The following AATK variants were observed in gnomAD, a reference collection of about 807,000 sequenced individuals.
AATK encodes the protein serine/threonine-protein kinase LMTK1.
In AATK, 91 loss-of-function variants were observed where a neutral mutation model predicts 114.3. The observed-to-expected ratio is 0.80, with a 90% confidence interval of 0.67 to 0.95. The LOEUF is 0.95. Ranked by LOEUF, AATK falls within the 40% of genes least tolerant of loss-of-function variation. The pLI, the probability that AATK is intolerant of heterozygous loss-of-function variation, is 0.00. For synonymous variants in AATK, 1,075 were observed against 916.5 expected (o/e 1.17, Z -3.12); for missense variants, 2,176 against 1,965.2 (o/e 1.11, Z -2.03).
At chr17:81,134,641 C>T in intron 1 of AATK, 140 bp from the exon 2 acceptor site, 1 of 1,121,290 alleles carries the variant, frequency 8.9e-7, no homozygotes, top group South Asian at 1.6e-5. Flanking sequence ...ACCCCAGACC[C>T]CACACCTCAC....
rs758434134 is a variant in AATK, at chr17:81,121,653, A to G, written c.2283T>C (p.Val761=). 3 of 1,498,996 alleles carry G rather than the reference A, an allele frequency of 2.0e-6. No homozygotes were observed. In the African/African-American group the frequency reaches 4.2e-5, roughly 21 times the overall value. The allele number at this position is 1,498,996 out of a possible 1,614,324, so 92.9% of individuals were successfully genotyped here. ...AQGLAPAPCL[V]TPSWTETASS... is the part of the protein sequence containing the mutation. ...TGGCTGTCTCTGTCCAGGAGGGTGT[A>G]ACCAGGCAGGGAGCAGGTGCCAGGC... The change falls in exon 11 of 14, where the codon GTT becomes GTC. Residue 761 remains valine, a synonymous_variant. Transcript: ENST00000326724.
Position 81,154,375 on chromosome 17 carries a change from C to T in AATK, c.55+11563G>A, listed in dbSNP as rs2061336174. ...TTGCTCTGTCACCCAGGCTGGAGCA[C>T]AGTGGCACAATTTCAGCTCACTGCA... On this transcript the variant is annotated intron_variant, in intron 1 of 13. Transcript: ENST00000326724. Among the ~76,000 whole-genome samples, 2 of 138,450 alleles carry T rather than the reference C, an allele frequency of 1.4e-5. 1 individual carries two copies. Among genetic ancestry groups the T allele is most frequent in the South Asian group, 4.5e-4 (2 of 4,436 alleles). The allele number at this position is 138,450 out of a possible 152,430, so 90.8% of individuals were successfully genotyped here.
chr17:81,125,324 C>A, intron 7 of AATK: 1 of 715,240 alleles, frequency 1.4e-6, no homozygotes, highest in Non-Finnish European at 2.7e-6. Flanking sequence ...GGAACCCACC[C>A]GGACCGGTCC....
intron 1 of AATK, among the ~76,000 whole-genome samples, chr17:81,149,664 G>A (rs1326238056): frequency 3.3e-5 from 5 of 152,036 alleles, no homozygotes; most frequent in Admixed American, 6.5e-5. Flanking sequence ...TCCCATGGCC[G>A]TGGGCTCACA....
chr17:81,148,264 C>T (rs2061248703), intron 1 of AATK, among the ~76,000 whole-genome samples: 1 of 152,236 alleles, frequency 6.6e-6, no homozygotes, highest in Non-Finnish European at 1.5e-5. Context: ...GATCCCATCA[C>T]TGCTGCCCTT....
chr17:81,153,763 C>T (rs1017161918), intron 1 of AATK, among the ~76,000 whole-genome samples: 4 of 152,118 alleles, frequency 2.6e-5, no homozygotes, highest in Non-Finnish European at 5.9e-5. Flanking sequence ...TCATGCAGTA[C>T]GGGCTGAATC....
intron 1 of AATK, among the ~76,000 whole-genome samples, chr17:81,139,634 G>A (rs1370724025): frequency 2.7e-5 from 4 of 150,442 alleles, no homozygotes; most frequent in African/African-American, 9.9e-5. Context: ...TCCTCCCGCA[G>A]GCCTTATGAG....
intron 1 of AATK, among the ~76,000 whole-genome samples, chr17:81,140,668 GT>G (rs2061110216): frequency 7.1e-6 from 1 of 140,932 alleles, no homozygotes. Flanking sequence ...CCGTGGGGCC[GT>G]GGGGACCATG....
intron 1 of AATK, among the ~76,000 whole-genome samples, chr17:81,148,851 T>A (rs2061258084): frequency 6.6e-6 from 1 of 152,204 alleles, no homozygotes. Flanking sequence ...TCCACAGTCC[T>A]GCTCTGAGCC....
At chr17:81,137,068 G>A (rs553215549) in intron 1 of AATK, among the ~76,000 whole-genome samples, 1 of 152,160 alleles carries the variant, frequency 6.6e-6, no homozygotes, top group South Asian at 2.1e-4. Flanking sequence ...GACCAGCCTG[G>A]CCAACACAGC....
chr17:81,131,352 G>T, intron 2 of AATK, 147 bp from the exon 3 acceptor site: 1 of 1,072,294 alleles, frequency 9.3e-7, no homozygotes, highest in Non-Finnish European at 1.3e-6. Flanking sequence ...CACCGCCCCT[G>T]CAGGCCAATG....
intron 12 of AATK, 48 bp from the exon 13 acceptor site, chr17:81,119,628 GGCCCGGCCCC>G (rs1292043689): frequency 6.6e-7 from 1 of 1,506,282 alleles, no homozygotes; most frequent in Non-Finnish European, 8.9e-7. Context: ...CTGGGACCCC[GGCCCGGCCCC>G]GCTCCCACAG....
At chr17:81,151,524 G>A (rs1196661003) in intron 1 of AATK, among the ~76,000 whole-genome samples, 7 of 152,140 alleles carry the variant, frequency 4.6e-5, no homozygotes, top group Admixed American at 2.6e-4. Flanking sequence ...TCAGAGGCCC[G>A]GCCTCCCCCA....
chr17:81,136,824 C>T (rs2061017333), intron 1 of AATK, among the ~76,000 whole-genome samples: 1 of 152,154 alleles, frequency 6.6e-6, no homozygotes, highest in Non-Finnish European at 1.5e-5. Flanking sequence ...GGAGAGACGG[C>T]ACACCTAGGC....
intron 1 of AATK, among the ~76,000 whole-genome samples, chr17:81,149,405 C>A (rs1567824528): frequency 1.3e-5 from 2 of 152,096 alleles, no homozygotes; most frequent in Admixed American, 1.3e-4. Context: ...TGTGGGAAAC[C>A]TAACCCCTTC....
chr17:81,118,425 C>G lies in AATK; in HGVS notation c.4102G>C (p.Gly1368Arg). The change falls in exon 14 of 14, where the codon GGG (glycine) becomes CGG (arginine). Residue 1368 changes from glycine (G) to arginine (R), a missense_variant. Physicochemically the swap from Gly to Arg is moderately radical, Grantham distance 125. Around this residue, in one of 4 missense-constraint regions of AATK, gnomAD observed 1,701 missense variants for 1,394.7 expected, o/e 1.22. Transcript: ENST00000326724. ...ESKRGPEAGA[G>R]GESKEA ...TCTCAAGCCTCTTTACTCTCACCCC[C>G]GGCACCAGCTTCAGGTCCTGGCAAG... 4 of 1,608,846 alleles carry G rather than the reference C, an allele frequency of 2.5e-6. No homozygotes were observed. The highest frequency in any genetic ancestry group is 2.5e-6 in the Non-Finnish European group (3 of 1,178,338).
intron 1 of AATK, among the ~76,000 whole-genome samples, chr17:81,161,671 C>A (rs1267869747): frequency 2.0e-5 from 3 of 152,126 alleles, no homozygotes; most frequent in Non-Finnish European, 1.5e-5. Flanking sequence ...TGCCGGACCC[C>A]ATTTCAGAGG....
intron 9 of AATK, 127 bp from the exon 10 acceptor site, chr17:81,123,470 T>G: frequency 1.2e-6 from 1 of 846,264 alleles, no homozygotes; most frequent in Non-Finnish European, 1.6e-6. Flanking sequence ...CGGGGCCTGG[T>G]ACCATACCAG....
At chr17:81,151,471 G>A (rs896952656) in intron 1 of AATK, among the ~76,000 whole-genome samples, 1 of 152,138 alleles carries the variant, frequency 6.6e-6, no homozygotes, top group Non-Finnish European at 1.5e-5. Flanking sequence ...CATCCGAGGG[G>A]CAGCAGGCCA....
Sources: gnomAD v4.1 joint callset for allele counts (sites outside exome capture counted in the v4.1 genomes callset) on GRCh38, gnomAD v4.1.1 for gene constraint, gnomAD v4.1.1 regional missense constraint, MANE v1.5 for transcripts, NCBI Gene and HGNC (gene_info 2026-07-23, HGNC 2026-07-21) for gene names.